CCDC160: variants seen among roughly 807,000 people sequenced by gnomAD.
The protein encoded by CCDC160 is coiled-coil domain containing 160.
For synonymous variants in CCDC160, 94 were observed against 79.4 expected, an observed-to-expected ratio of 1.18 and a Z score of -0.98; for missense variants, 227 against 215.6, an observed-to-expected ratio of 1.05 and a Z score of -0.33.
At chrX:134,244,977 T>C in exon 2 of CCDC160, 2 of 1,187,486 alleles carry the variant, frequency 1.7e-6, no homozygotes, top group East Asian at 3.0e-5. Context: ...AGGAAGAAAG[T>C]AAATTTAAGA....
chrX:134,237,508 G>A (rs2077013723), intron 1 of CCDC160, among the ~76,000 whole-genome samples, 165 bp downstream of exon 1: 1 of 112,282 alleles, frequency 8.9e-6, no homozygotes, highest in Admixed American at 9.3e-5. Flanking sequence ...GGGCTGGAGA[G>A]CGTTTGGGAG....
At chrX:134,242,665 A>T (rs1378224232) in intron 1 of CCDC160, among the ~76,000 whole-genome samples, 1 of 110,648 alleles carries the variant, frequency 9.0e-6, no homozygotes, top group African/African-American at 3.3e-5. Context: ...TCAAGGAGCA[A>T]AATTATTAAT....
Position 134,244,844 on chromosome X carries a change from CT to C in CCDC160, c.51del (p.Phe17LeufsTer7). On this transcript the variant is annotated frameshift_variant, in exon 2 of 2. Transcript: ENST00000370809. LOFTEE classifies it low-confidence loss of function (END_TRUNC). ...CACTGGAAGGAGAATATGTTTACTC[CT>C]TTTTTTAGTGCACAAGATGTTCTAG... 4.2e-6 allele frequency: 5 copies of C among 1,183,325 alleles called. No individual in the cohort carries two copies. The highest frequency in any genetic ancestry group is 4.7e-4 in the Middle Eastern group (2 of 4,255).
intron 1 of CCDC160, among the ~76,000 whole-genome samples, chrX:134,239,612 A>C (rs2077021068): frequency 9.0e-6 from 1 of 110,764 alleles, no homozygotes; most frequent in Non-Finnish European, 1.9e-5. Context: ...TTTTCAAACT[A>C]ACTTTTTCTG....
chrX:134,245,751 T>C (rs757117223), exon 2 of CCDC160: 1 of 1,145,918 alleles, frequency 8.7e-7, no homozygotes, highest in Non-Finnish European at 1.2e-6. Flanking sequence ...CAAGTATCCT[T>C]GACCACTTTA....
intron 1 of CCDC160, among the ~76,000 whole-genome samples, chrX:134,241,074 T>C (rs2077026152): frequency 9.0e-6 from 1 of 111,214 alleles, no homozygotes. Flanking sequence ...AAACAAATAA[T>C]TAAATTTCAC....
At position 134,245,467 on chromosome X, in the gene CCDC160, C is replaced by T. The variant is rs1397123013; in HGVS notation, c.667C>T (p.Gln223Ter). The T allele has an allele frequency of 2.5e-6, 3 of 1,186,751 alleles. No individual in the cohort carries two copies. Among genetic ancestry groups the T allele is most frequent in the Non-Finnish European group, 3.4e-6 (3 of 883,871 alleles). Residue 223 changes from glutamine to a stop codon, truncating the protein, a stop_gained, in exon 2 of 2, where the codon CAG (glutamine) becomes TAG (stop). Transcript: ENST00000370809. LOFTEE classifies it low-confidence loss of function (END_TRUNC). ...AACAAATGTAAAAAACTTAAGTGAA[C>T]AGCTCCAGCAAGCCAAAGAAGTCAT...
chrX:134,245,357 C>T (rs1252711690), exon 2 of CCDC160: 1 of 1,190,761 alleles, frequency 8.4e-7, no homozygotes, highest in Non-Finnish European at 1.1e-6. Context: ...TTCACAAAAC[C>T]CCTAAATTTT....
intron 1 of CCDC160, among the ~76,000 whole-genome samples, chrX:134,237,660 G>A (rs1015996811): frequency 2.7e-5 from 3 of 111,716 alleles, no homozygotes; most frequent in Non-Finnish European, 3.8e-5. Context: ...CCCCGACCCC[G>A]AGCCACCTTC....
At chrX:134,244,890 A>G (rs1040752146) in exon 2 of CCDC160, 58 of 1,202,008 alleles carry the variant, frequency 4.8e-5, no homozygotes, top group Non-Finnish European at 6.5e-5. Flanking sequence ...CTGAGCCTGA[A>G]TCTTCTTCTG....
At chrX:134,245,161 A>G in exon 2 of CCDC160, 2 of 1,198,227 alleles carry the variant, frequency 1.7e-6, no homozygotes, top group Non-Finnish European at 2.3e-6. Context: ...CTCTACCTGC[A>G]GTACAGATAA....
chrX:134,244,628 A>G, intron 1 of CCDC160, 149 bp from the exon 3 acceptor site: 1 of 454,768 alleles, frequency 2.2e-6, no homozygotes, highest in Non-Finnish European at 3.4e-6. Flanking sequence ...GAGGGGACTG[A>G]GGCCCAAGCC....
intron 1 of CCDC160, among the ~76,000 whole-genome samples, chrX:134,242,583 G>A (rs771859260): frequency 9.0e-6 from 1 of 111,130 alleles, no homozygotes; most frequent in African/African-American, 3.3e-5. Context: ...GTGTGTGTGT[G>A]TGTGCATGTG....
intron 1 of CCDC160, among the ~76,000 whole-genome samples, chrX:134,240,474 C>A (rs1260188895): frequency 1.8e-5 from 2 of 110,330 alleles, no homozygotes; most frequent in Non-Finnish European, 3.8e-5. Context: ...TTGGAGATGA[C>A]CTTTTCCAAC....
At chrX:134,244,795 G>A in exon 2 of CCDC160, 2 of 1,157,926 alleles carry the variant, frequency 1.7e-6, no homozygotes, top group Non-Finnish European at 2.3e-6. Flanking sequence ...AGAGGTGCCT[G>A]GAGAAATGGA....
At chrX:134,244,988 G>C (rs1374375218) in exon 2 of CCDC160, 1 of 1,179,230 alleles carries the variant, frequency 8.5e-7, no homozygotes, top group Admixed American at 2.4e-5. Flanking sequence ...AAATTTAAGA[G>C]GAAAAAATAT....
intron 1 of CCDC160, among the ~76,000 whole-genome samples, chrX:134,240,750 C>T (rs770972222): frequency 1.2e-5 from 1 of 83,572 alleles, no homozygotes; most frequent in Non-Finnish European, 2.2e-5. Flanking sequence ...GTGGCATGAT[C>T]ATAGCTCACT....
intron 1 of CCDC160, 87 bp from the exon 2 acceptor site, chrX:134,238,663 G>C (rs921619975): frequency 9.0e-6 from 1 of 111,642 alleles, no homozygotes; most frequent in African/African-American, 3.3e-5. Context: ...GAGCCACCGC[G>C]CCTGGCCATC....
At chrX:134,244,576 A>G (rs917902846) in intron 1 of CCDC160, among the ~76,000 whole-genome samples, 4 of 112,176 alleles carry the variant, frequency 3.6e-5, no homozygotes, top group Admixed American at 1.9e-4. Context: ...AGCTGGAAGC[A>G]TCTGTAGAAC....
Sources: allele counts gnomAD v4.1 joint callset (sites outside exome capture counted in the v4.1 genomes callset), GRCh38; gene constraint gnomAD v4.1.1; transcripts MANE v1.5; gene names NCBI Gene and HGNC (gene_info 2026-07-23, HGNC 2026-07-21).